Variants in FMO4 observed in about 807,000 individuals in gnomAD.
The protein encoded by FMO4 is dimethylaniline monooxygenase [N-oxide-forming] 4.
Under a neutral mutation model 43.3 loss-of-function variants are expected in FMO4, and 38 were observed. That is an observed-to-expected ratio of 0.88 (90% CI 0.68 to 1.15). The LOEUF is 1.15. Among genes scored for constraint, FMO4 ranks in the 50% most tolerant of loss-of-function variants. The pLI is 0.00. For synonymous variants in FMO4, 224 were observed against 232.2 expected, an observed-to-expected ratio of 0.96 and a Z score of 0.32; for missense variants, 631 against 663.3, an observed-to-expected ratio of 0.95 and a Z score of 0.54.
Position 171,334,569 on chromosome 1 carries a change from G to A in FMO4, c.986G>A (p.Gly329Glu), listed in dbSNP as rs1663035469. 6.2e-7 allele frequency: 1 copy of A among 1,613,502 alleles called. No homozygotes were observed. Among genetic ancestry groups the A allele is most frequent in the Admixed American group, 1.7e-5 (1 of 59,988 alleles). Residue 329 changes from glycine (G) to glutamate (E), a missense_variant, in exon 8 of 10, where the codon GGA becomes GAA. By Grantham distance (98) the Gly-to-Glu change is moderately conservative. Transcript: ENST00000367749. ...ATTGATGTTGTGATCTTCACTACAGGATATACATTTTCTTTTCCATTTTTT... is the reference window on the plus strand; with the variant it reads ...ATTGATGTTGTGATCTTCACTACAGAATATACATTTTCTTTTCCATTTTTT... ...ENIDVVIFTTGYTFSFPFFEE... is the reference protein window; with the variant it reads ...ENIDVVIFTTEYTFSFPFFEE...
chr1:171,323,239 A>T, intron 4 of FMO4, 47 bp downstream of exon 4: 1 of 1,244,088 alleles, frequency 8.0e-7, no homozygotes. Context: ...GGGCTGGCCT[A>T]TTCAGCAATC....
At chr1:171,329,615 G>A (rs1037010480) in intron 5 of FMO4, among the ~76,000 whole-genome samples, 7 of 152,312 alleles carry the variant, frequency 4.6e-5, no homozygotes, top group Non-Finnish European at 7.3e-5. Context: ...GCTGTGCTCT[G>A]TAGACCCCAA....
At chr1:171,337,184 C>G (rs3737924) in intron 8 of FMO4, among the ~76,000 whole-genome samples, 172 bp from the exon 9 acceptor site, 2 of 151,944 alleles carry the variant, frequency 1.3e-5, no homozygotes, top group Non-Finnish European at 2.9e-5. Context: ...GTGAACTGGG[C>G]GGGGAATTTT....
chr1:171,319,614 TCA>T (rs376273039), intron 2 of FMO4, among the ~76,000 whole-genome samples: 68 of 152,234 alleles, frequency 4.5e-4, no homozygotes, highest in African/African-American at 1.6e-3. Flanking sequence ...TAGCCCAAGA[TCA>T]CACAGTTAAT....
rs983701724 is a variant in FMO4 at position 171,319,889 on chromosome 1, G to C, written c.64G>C (p.Val22Leu). The C allele has an allele frequency of 5.0e-6, 8 of 1,613,850 alleles. No homozygotes were observed. The highest frequency in any genetic ancestry group is 6.8e-6 in the Non-Finnish European group (8 of 1,179,752). Residue 22 changes from valine to leucine, a missense_variant, in exon 3 of 10, where the codon GTG becomes CTG. Coordinates refer to ENST00000367749, the MANE Select transcript of FMO4 (RefSeq NM_002022.3). ...TGGCCTCTCCTCCATCAAATGCTGT[G>C]TGGATGAGGACCTGGAGCCCACCTG... ...VSGLSSIKCC[V>L]DEDLEPTCFE...
chr1:171,323,029 G>A lies in FMO4; in HGVS notation c.158G>A (p.Arg53Lys). The A allele has an allele frequency of 6.2e-7, 1 of 1,613,152 alleles. No homozygotes were observed. Among genetic ancestry groups the A allele is most frequent in the Non-Finnish European group, 8.5e-7 (1 of 1,179,436 alleles). The part of the protein sequence containing the change: ...FTESSKDGMT[R>K]VYKSLVTNVC... ...GAATCTTCCAAAGATGGGATGACCAGGGTCTATAAGTCATTAGTGACAAAT... is the reference window on the plus strand; with the variant it reads ...GAATCTTCCAAAGATGGGATGACCAAGGTCTATAAGTCATTAGTGACAAAT... The change falls in exon 4 of 10, where the codon AGG becomes AAG. Residue 53 changes from arginine (R) to lysine (K), a missense_variant. Transcript: ENST00000367749.
Position 171,331,652 on chromosome 1 carries a change from T to C in FMO4, c.497T>C (p.Phe166Ser). Residue 166 changes from phenylalanine to serine, a missense_variant, in exon 6 of 10, where the codon TTT becomes TCT. Transcript: ENST00000367749. ...TCACTCCTCTCAGGAATTCATAAGT[T>C]TAAAGGTCAGATCCTGCATAGTCAA... ...PLEAFPGIHK[F>S]KGQILHSQEY... The C allele has an allele frequency of 6.2e-7, 1 of 1,613,920 alleles. No homozygotes were observed. The highest frequency in any genetic ancestry group is 8.5e-7 in the Non-Finnish European group (1 of 1,179,872).
intron 8 of FMO4, 24 bp downstream of exon 8, chr1:171,334,787 C>T: frequency 7.3e-7 from 1 of 1,362,470 alleles, no homozygotes; most frequent in Non-Finnish European, 1.0e-6. Flanking sequence ...ACTGAAAGTC[C>T]TCTCTTTGGA....
chr1:171,325,824 T>C (rs1411399487), intron 5 of FMO4, among the ~76,000 whole-genome samples: 1 of 37,832 alleles, frequency 2.6e-5, no homozygotes, highest in African/African-American at 2.0e-4. Context: ...ATCCTTTTTT[T>C]TTTTTTTTTT....
chr1:171,316,288 T>C lies in FMO4; in HGVS notation c.-48T>C, dbSNP rs1361219732. ...AGGCCATTTGTTTCTGATTAGAAGC[T>C]GTCTAAACCTCCTACTCCTCAACTC... On this transcript the variant is annotated 5_prime_UTR_variant, in exon 2 of 10. Coordinates refer to ENST00000367749, the MANE Select transcript of FMO4 (RefSeq NM_002022.3). The C allele has an allele frequency of 6.6e-6, 1 of 152,180 alleles. No individual in the cohort carries two copies. Among genetic ancestry groups the C allele is most frequent in the Non-Finnish European group, 1.5e-5 (1 of 68,034 alleles). 9.4% of individuals were successfully genotyped at this position (152,180 alleles called of 1,614,324 possible).
chr1:171,330,048 A>ATC (rs1558039840), intron 5 of FMO4, among the ~76,000 whole-genome samples: 1 of 152,214 alleles, frequency 6.6e-6, no homozygotes, highest in African/African-American at 2.4e-5. Context: ...GCACTATAAG[A>ATC]TCTCTTATGT....
chr1:171,328,804 T>C (rs1416660978), intron 5 of FMO4, among the ~76,000 whole-genome samples: 2 of 152,168 alleles, frequency 1.3e-5, no homozygotes, highest in Non-Finnish European at 2.9e-5. Context: ...TCCTTTAGTA[T>C]CCCTGCAGAC....
At position 171,334,493 on chromosome 1, in the gene FMO4, G is replaced by A. The variant is rs1022438335; in HGVS notation, c.910G>A (p.Glu304Lys). Residue 304 changes from glutamate to lysine, a missense_variant, in exon 8 of 10, where the codon GAA becomes AAA. By Grantham distance (56) the Glu-to-Lys change is moderately conservative. Transcript: ENST00000367749. ...AATCACTATGAAAACCAGCGTGATT[G>A]AATTTACAGAAACCTCTGCTGTCTT... ...GAITMKTSVI[E>K]FTETSAVFED... The A allele has an allele frequency of 3.1e-6, 5 of 1,613,708 alleles. No individual in the cohort carries two copies. The African/African-American group carries it at 5.3e-5, about 17-fold the overall frequency.
chr1:171,319,857 G>C lies in FMO4; in HGVS notation c.32G>C (p.Gly11Ala), dbSNP rs770560362. MAKKVAVIGA[G>A]VSGLSSIKCC... ...AAGAAAGTTGCAGTGATTGGAGCTG[G>C]TGTGAGTGGCCTCTCCTCCATCAAA... Residue 11 changes from glycine to alanine, a missense_variant, in exon 3 of 10, where the codon GGT (glycine) becomes GCT (alanine). Transcript: ENST00000367749. 3 of 1,613,918 alleles carry C rather than the reference G, an allele frequency of 1.9e-6. No individual in the cohort carries two copies. The highest frequency in any genetic ancestry group is 3.3e-5 in the Admixed American group (2 of 60,010).
In FMO4 at chr1:171,324,158, G is replaced by T. The variant is rs267598165; in HGVS notation, c.342G>T (p.Thr114=). The T allele has an allele frequency of 6.2e-7, 1 of 1,612,310 alleles. No individual in the cohort carries two copies. The highest frequency in any genetic ancestry group is 1.3e-5 in the African/African-American group (1 of 74,850). Residue 114 remains threonine (T), a synonymous_variant, in exon 5 of 10, where the codon ACG becomes ACT. Coordinates refer to ENST00000367749, the MANE Select transcript of FMO4 (RefSeq NM_002022.3). The part of the protein sequence containing the change: ...IQFKTTVCSI[T]KRPDFSETGQ... The stretch of plus-strand genomic sequence containing the variant: ...TTTAGACCACTGTGTGCAGCATAAC[G>T]AAGCGTCCAGACTTCTCCGAAACTG...
At chr1:171,337,231 T>G in intron 8 of FMO4, 125 bp from the exon 9 acceptor site, 1 of 733,430 alleles carries the variant, frequency 1.4e-6, no homozygotes, top group Non-Finnish European at 2.5e-6. Flanking sequence ...GCATTTCCAT[T>G]CTGAGCTTTG....
At chr1:171,314,974 C>T (rs551094870) in intron 1 of FMO4, among the ~76,000 whole-genome samples, 1 of 152,212 alleles carries the variant, frequency 6.6e-6, no homozygotes, top group South Asian at 2.1e-4. Flanking sequence ...TAGGTCAGGT[C>T]TCCTTTCTGC....
intron 4 of FMO4, among the ~76,000 whole-genome samples, chr1:171,323,907 G>A (rs920029429): frequency 6.6e-6 from 1 of 152,186 alleles, no homozygotes; most frequent in Non-Finnish European, 1.5e-5. Context: ...AAACGTGATT[G>A]TTTCTTCCTT....
At chr1:171,328,925 A>C (rs1662788025) in intron 5 of FMO4, among the ~76,000 whole-genome samples, 1 of 102,036 alleles carries the variant, frequency 9.8e-6, no homozygotes. Flanking sequence ...ACCCAAAAAC[A>C]AAAAAAAATC....
Sources: gnomAD v4.1 joint callset for allele counts (sites outside exome capture counted in the v4.1 genomes callset) on GRCh38, gnomAD v4.1.1 for gene constraint, MANE v1.5 for transcripts, NCBI Gene and HGNC (gene_info 2026-07-23, HGNC 2026-07-21) for gene names.